Variants in ZBED6 observed in about 807,000 individuals in gnomAD.
ZBED6 encodes the protein zinc finger BED-type containing 6.
In ZBED6, 40 loss-of-function variants were observed where a neutral mutation model predicts 58.4. The observed-to-expected ratio is 0.68, with a 90% confidence interval of 0.53 to 0.89. The LOEUF is 0.89. Ranked by LOEUF, ZBED6 falls within the 40% of genes least tolerant of loss-of-function variation. The pLI, the probability that ZBED6 is intolerant of heterozygous loss-of-function variation, is 0.00. For synonymous variants in ZBED6, 439 were observed against 350.6 expected (o/e 1.25, Z -2.82); for missense variants, 1,057 against 1,003.9 (o/e 1.05, Z -0.71).
intron 2 of ZBED6, among the ~76,000 whole-genome samples, chr1:203,818,027 G>A (rs757602490): frequency 2.0e-4 from 30 of 152,178 alleles, no homozygotes; most frequent in East Asian, 3.9e-4. Flanking sequence ...GATTACAGGC[G>A]TGAGCCCCCA....
rs558424621 is a variant in ZBED6 at position 203,843,118 on chromosome 1, G to A, written c.*3741+2744G>A. On this transcript the variant is annotated intron_variant, in intron 11 of 16. Transcript: ENST00000550078. ...GTTGGACATTCTTATTCTGTTGTATGCAACCTGAATTATTCAGAGATTTCT... is the reference window on the plus strand; with the variant it reads ...GTTGGACATTCTTATTCTGTTGTATACAACCTGAATTATTCAGAGATTTCT... Among the ~76,000 whole-genome samples the A allele has an allele frequency of 4.6e-5, 7 of 152,194 alleles. No individual in the cohort carries two copies. In the East Asian group the frequency reaches 1.4e-3, roughly 29 times the overall value.
exon 3 of ZBED6, chr1:203,818,631 T>C (rs751036838): frequency 1.2e-6 from 2 of 1,614,190 alleles, no homozygotes; most frequent in South Asian, 1.1e-5. Flanking sequence ...GTTTGCACAT[T>C]ATGGCAAGAA....
At chr1:203,800,426 AGTT>A (rs1395979728) in exon 1 of ZBED6, 17 of 1,378,882 alleles carry the variant, frequency 1.2e-5, no homozygotes, top group Non-Finnish European at 1.7e-5. Context: ...AGCAGAATGA[AGTT>A]GTTCAAAGCA....
exon 17 of ZBED6, chr1:203,853,098 AT>A (rs1689608777): frequency 6.6e-6 from 1 of 151,468 alleles, no homozygotes; most frequent in South Asian, 2.1e-4. Context: ...CTAATTTTCT[AT>A]TTCTGGGATT....
intron 9 of ZBED6, 110 bp from the exon 10 acceptor site, chr1:203,837,856 G>A: frequency 2.1e-6 from 2 of 957,962 alleles, no homozygotes; most frequent in Admixed American, 2.6e-5. Flanking sequence ...CACGCCATAT[G>A]TATGCAGAAC....
chr1:203,829,709 T>G, intron 5 of ZBED6, 55 bp downstream of exon 5: 6 of 1,612,638 alleles, frequency 3.7e-6, no homozygotes, highest in Non-Finnish European at 5.1e-6. Flanking sequence ...TCATAGTGAA[T>G]TGGGCAGAAT....
intron 10 of ZBED6, among the ~76,000 whole-genome samples, chr1:203,838,292 G>A (rs1684997036): frequency 6.6e-6 from 1 of 152,178 alleles, no homozygotes; most frequent in Non-Finnish European, 1.5e-5. Flanking sequence ...TAAATGGCAG[G>A]TAGGAATACT....
At chr1:203,809,691 C>T (rs1013698204) in intron 1 of ZBED6, among the ~76,000 whole-genome samples, 3 of 152,204 alleles carry the variant, frequency 2.0e-5, no homozygotes, top group Non-Finnish European at 4.4e-5. Context: ...CGGTGGCTCA[C>T]GGCTGTAATC....
At chr1:203,849,527 C>T (rs754480989) in intron 13 of ZBED6, among the ~76,000 whole-genome samples, 184 bp from the exon 14 acceptor site, 6 of 152,146 alleles carry the variant, frequency 3.9e-5, no homozygotes, top group Non-Finnish European at 1.5e-5. Context: ...TTATTCCATA[C>T]ATCTGTAATT....
intron 14 of ZBED6, 108 bp downstream of exon 14, chr1:203,850,134 T>C (rs1196640442): frequency 3.2e-6 from 3 of 941,748 alleles, no homozygotes; most frequent in Non-Finnish European, 4.9e-6. Context: ...TTCATTTGCC[T>C]TCTATCCACA....
intron 11 of ZBED6, among the ~76,000 whole-genome samples, chr1:203,842,573 A>G (rs767960936): frequency 3.5e-5 from 5 of 144,536 alleles, no homozygotes; most frequent in Non-Finnish European, 6.0e-5. Context: ...GGCTTTCACA[A>G]CTTTGGTGGC....
At chr1:203,833,618 GTT>G (rs553171669) in intron 8 of ZBED6, among the ~76,000 whole-genome samples, 171 bp from the exon 9 acceptor site, 243 of 124,804 alleles carry the variant, frequency 1.9e-3, no homozygotes, top group East Asian at 3.3e-3. Context: ...ATAGGTTTGG[GTT>G]TTTTTTTTTT....
At chr1:203,845,493 A>G (rs139992756) in intron 11 of ZBED6, among the ~76,000 whole-genome samples, 19 of 152,340 alleles carry the variant, frequency 1.2e-4, no homozygotes, top group East Asian at 5.8e-4. Flanking sequence ...TGAAGATGCA[A>G]TTACAGTGTA....
rs562156122 is a variant in ZBED6, at chr1:203,797,190, G to T, written c.-333G>T. 4.6e-5 allele frequency: 8 copies of T among 172,958 alleles called. No individual in the cohort carries two copies. In the South Asian group the frequency reaches 1.3e-3, roughly 28 times the overall value. 10.7% of individuals were successfully genotyped at this position (172,958 alleles called of 1,614,324 possible). On this transcript the variant is annotated 5_prime_UTR_variant, in exon 1 of 17. Transcript: ENST00000550078. Reference sequence around the variant, plus strand: ...ATGGATCTGGGATTTGGAAGACCTGGCTTCTAGCTGCTACTAACCAACTCT... The same window carrying T: ...ATGGATCTGGGATTTGGAAGACCTGTCTTCTAGCTGCTACTAACCAACTCT...
At chr1:203,833,072 A>G (rs1016055848) in intron 8 of ZBED6, among the ~76,000 whole-genome samples, 5 of 152,232 alleles carry the variant, frequency 3.3e-5, no homozygotes, top group Non-Finnish European at 5.9e-5. Context: ...TGTCTCTACT[A>G]AAAATACAAA....
chr1:203,831,741 G>A (rs1231889633), exon 8 of ZBED6: 1 of 1,612,730 alleles, frequency 6.2e-7, no homozygotes, highest in South Asian at 1.1e-5. Flanking sequence ...CAGGACTGTG[G>A]TGAGGACAGT....
chr1:203,852,159 C>T lies in ZBED6; in HGVS notation c.*4892C>T, dbSNP rs755143350. The T allele has an allele frequency of 1.9e-6, 3 of 1,613,606 alleles. No homozygotes were observed. The South Asian group carries it at 3.3e-5, about 18-fold the overall frequency. On this transcript the variant is annotated 3_prime_UTR_variant, in exon 17 of 17. Transcript: ENST00000550078. ...CTTACAGTCTTGTGCTGCCTCCAAC[C>T]CAGTCCTCTTCAGATTCCTCACCCC...
At chr1:203,829,585 G>A (rs778422987) in exon 5 of ZBED6, 5 of 1,614,124 alleles carry the variant, frequency 3.1e-6, no homozygotes, top group South Asian at 2.2e-5. Context: ...AGAAAGTTCC[G>A]AAAATGTTCC....
At chr1:203,798,892 T>C (rs1669591829) in exon 1 of ZBED6, 1 of 1,536,060 alleles carries the variant, frequency 6.5e-7, no homozygotes, top group Admixed American at 2.0e-5. Flanking sequence ...ACTAAGGCTG[T>C]ACCTCAGTTA....
Sources: allele counts gnomAD v4.1 joint callset (sites outside exome capture counted in the v4.1 genomes callset), GRCh38; gene constraint gnomAD v4.1.1; transcripts MANE v1.5; gene names NCBI Gene and HGNC (gene_info 2026-07-23, HGNC 2026-07-21).